Variants in ZDHHC11B observed in about 807,000 individuals in gnomAD.
The protein encoded by ZDHHC11B is probable palmitoyltransferase ZDHHC11B.
Under a neutral mutation model 42.3 loss-of-function variants are expected in ZDHHC11B, and 17 were observed. The observed-to-expected ratio is 0.40, with a 90% confidence interval of 0.27 to 0.60. The LOEUF is 0.60. Among genes scored for constraint, ZDHHC11B ranks in the 20% least tolerant of loss-of-function variants. The pLI is 0.41. For synonymous variants in ZDHHC11B, 123 were observed against 193.5 expected (o/e 0.64, Z 3.02); for missense variants, 262 against 463.2 (o/e 0.57, Z 3.99).
At chr5:717,925 G>C (rs1382699112) in intron 12 of ZDHHC11B, among the ~76,000 whole-genome samples, 1 of 151,786 alleles carries the variant, frequency 6.6e-6, no homozygotes, top group Non-Finnish European at 1.5e-5. Flanking sequence ...CAATGGGAGG[G>C]TCTGCCACCA....
chr5:754,786 G>A (rs1326250762), intron 6 of ZDHHC11B, among the ~76,000 whole-genome samples: 3 of 91,444 alleles, frequency 3.3e-5, no homozygotes, highest in Non-Finnish European at 7.0e-5. Flanking sequence ...TACTCTATGC[G>A]GATGAGCTTG....
intron 4 of ZDHHC11B, among the ~76,000 whole-genome samples, chr5:763,421 T>C (rs1358457239): frequency 4.7e-5 from 7 of 147,752 alleles, no homozygotes; most frequent in Admixed American, 1.3e-4. Flanking sequence ...CCTATGAAAA[T>C]AGAAACAAGA....
At chr5:741,981 C>T (rs1461354253) in intron 9 of ZDHHC11B, among the ~76,000 whole-genome samples, 1 of 134,888 alleles carries the variant, frequency 7.4e-6, no homozygotes, top group Non-Finnish European at 1.6e-5. Context: ...TTTTTGATGA[C>T]AGGCATTCTC....
At chr5:729,712 T>C (rs1029791917) in intron 12 of ZDHHC11B, among the ~76,000 whole-genome samples, 2 of 149,462 alleles carry the variant, frequency 1.3e-5, no homozygotes, top group East Asian at 1.9e-4. Context: ...CTCTGGAAAA[T>C]GTTGTATAAA....
chr5:775,971 G>C (rs7715465), intron 1 of ZDHHC11B, among the ~76,000 whole-genome samples: 52,675 of 122,282 alleles, frequency 0.43, 9,095 homozygotes, highest in Admixed American at 0.46. Context: ...GAACCCCTGG[G>C]GGTCCCTGGT....
At chr5:732,825 A>G (rs1743126512) in intron 11 of ZDHHC11B, among the ~76,000 whole-genome samples, 1 of 151,870 alleles carries the variant, frequency 6.6e-6, no homozygotes. Flanking sequence ...AGCCTGGGGA[A>G]TCACTTGAGA....
intron 10 of ZDHHC11B, among the ~76,000 whole-genome samples, chr5:739,435 C>T (rs1422539870): frequency 6.7e-6 from 1 of 148,278 alleles, no homozygotes; most frequent in African/African-American, 2.5e-5. Flanking sequence ...AAAACCAATC[C>T]CATCAAAAAG....
intron 11 of ZDHHC11B, among the ~76,000 whole-genome samples, chr5:731,610 A>G (rs1260133355): frequency 6.6e-6 from 1 of 151,642 alleles, no homozygotes; most frequent in Non-Finnish European, 1.5e-5. Context: ...AATATTCTGG[A>G]TAAAAGTATA....
At position 779,151 on chromosome 5, in the gene ZDHHC11B, G is replaced by C. The variant is rs537660802; in HGVS notation, c.-230+5517C>G. 3.3e-5 allele frequency among the ~76,000 whole-genome samples: 5 copies of C among 151,620 alleles called. No homozygotes were observed. The South Asian group carries it at 1.0e-3, about 31-fold the overall frequency. On this transcript the variant is annotated intron_variant, in intron 1 of 13. Coordinates refer to ENST00000508859, the MANE Select transcript of ZDHHC11B (RefSeq NM_001351303.2). ...ACTAACACAGTCGCCCTGAGGCTGG[G>C]GCTGCAGTGATGCAGCCACACGCCC...
At chr5:766,434 G>A (rs1431947377) in intron 4 of ZDHHC11B, among the ~76,000 whole-genome samples, 2 of 151,914 alleles carry the variant, frequency 1.3e-5, no homozygotes, top group African/African-American at 4.8e-5. Context: ...GTCTGACATA[G>A]GGTCAGTGGC....
At chr5:766,536 G>C (rs760763588) in intron 4 of ZDHHC11B, among the ~76,000 whole-genome samples, 162 bp downstream of exon 4, 1 of 151,872 alleles carries the variant, frequency 6.6e-6, no homozygotes, top group Non-Finnish European at 1.5e-5. Context: ...CACAGAGCAC[G>C]AATGGCCACT....
intron 2 of ZDHHC11B, among the ~76,000 whole-genome samples, chr5:767,819 G>C (rs1735668709): frequency 2.2e-5 from 1 of 45,894 alleles, no homozygotes; most frequent in African/African-American, 7.0e-5. Flanking sequence ...CGTGGGCAGA[G>C]CGCACCGTCT....
intron 4 of ZDHHC11B, among the ~76,000 whole-genome samples, chr5:765,266 G>C (rs1350365472): frequency 6.6e-6 from 1 of 151,652 alleles, no homozygotes; most frequent in Non-Finnish European, 1.5e-5. Flanking sequence ...CTCGAGGTTT[G>C]TAAATGCACC....
Position 774,628 on chromosome 5 carries a change from G to A in ZDHHC11B, c.-229-5698C>T, listed in dbSNP as rs1456469200. Among the ~76,000 whole-genome samples the A allele has an allele frequency of 9.3e-5, 14 of 151,168 alleles. 1 individual carries two copies. The highest frequency in any genetic ancestry group is 1.9e-4 in the Non-Finnish European group (13 of 67,872). On this transcript the variant is annotated intron_variant, in intron 1 of 13. Coordinates refer to ENST00000508859, the MANE Select transcript of ZDHHC11B (RefSeq NM_001351303.2). Reference sequence around the variant, plus strand: ...CCTTGGGCCTGGAGCCTGTTACTAGGACCTGGGGTCTGTCACTAGGGCTAG... The same window carrying A: ...CCTTGGGCCTGGAGCCTGTTACTAGAACCTGGGGTCTGTCACTAGGGCTAG...
rs1579435275 is a variant in ZDHHC11B, at chr5:767,244, CTG to C, written c.-1+146_-1+147del. On this transcript the variant is annotated intron_variant, in intron 3 of 13. Transcript: ENST00000508859. ...GCCTGTGGCAGACCTGGGTGGATGA[CTG>C]AAAGCAACGGGAAGACCTGAGCTGC... 5.8e-6 allele frequency: 6 copies of C among 1,028,796 alleles called. No individual in the cohort carries two copies. In the East Asian group the frequency reaches 1.2e-4, roughly 21 times the overall value. The allele number at this position is 1,028,796 out of a possible 1,614,324, so 63.7% of individuals were successfully genotyped here. A position where few individuals can be genotyped will look rare whatever the true frequency, so the allele number is the denominator to read the frequency against.
intron 1 of ZDHHC11B, among the ~76,000 whole-genome samples, chr5:777,981 G>A (rs1486357349): frequency 2.0e-5 from 3 of 152,026 alleles, no homozygotes; most frequent in African/African-American, 4.8e-5. Flanking sequence ...GGAGGCGGCT[G>A]AGGCCCCGCG....
chr5:733,836 G>A lies in ZDHHC11B; in HGVS notation c.939C>T (p.Val313=). ...AGALGSSAQG[V]KAKSSLLIYK... Reference sequence around the variant, plus strand: ...AAATCAGCAGGGAGCTCTTGGCCTTGACTCTGGTGGGACAGGAAGGAGGAG... The same window carrying A: ...AAATCAGCAGGGAGCTCTTGGCCTTAACTCTGGTGGGACAGGAAGGAGGAG... The change falls in exon 11 of 14, where the codon GTC becomes GTT. Residue 313 remains valine (V), a synonymous_variant. Transcript: ENST00000508859. 1 of 1,606,466 alleles carries A rather than the reference G, an allele frequency of 6.2e-7. No homozygotes were observed. The highest frequency in any genetic ancestry group is 2.3e-5 in the East Asian group (1 of 43,686).
intron 13 of ZDHHC11B, among the ~76,000 whole-genome samples, chr5:713,721 G>A (rs1453702173): frequency 1.3e-5 from 2 of 152,082 alleles, no homozygotes; most frequent in African/African-American, 2.4e-5. Context: ...ATACTCGGCA[G>A]TGATTTTTCT....
intron 12 of ZDHHC11B, among the ~76,000 whole-genome samples, chr5:730,116 T>A (rs1742903941): frequency 6.6e-6 from 1 of 151,700 alleles, no homozygotes; most frequent in Non-Finnish European, 1.5e-5. Flanking sequence ...TGACTCTCAA[T>A]GAAACACTAT....
Sources: allele counts gnomAD v4.1 joint callset (sites outside exome capture counted in the v4.1 genomes callset), GRCh38; gene constraint gnomAD v4.1.1; transcripts MANE v1.5; gene names NCBI Gene and HGNC (gene_info 2026-07-23, HGNC 2026-07-21).